Variants in FBXO41 observed in about 807,000 individuals in gnomAD.
FBXO41 encodes the protein F-box only protein 41.
Under a neutral mutation model 81.6 loss-of-function variants are expected in FBXO41, and 33 were observed. The ratio of observed to expected loss-of-function variants is 0.40; its 90% CI spans 0.31 to 0.54. The LOEUF (loss-of-function observed/expected upper bound fraction) is 0.54. FBXO41 is among the 20% of genes least tolerant of loss of function. The probability of loss-of-function intolerance (pLI) is 0.39; values close to 1 mark genes in which losing one functional copy is unlikely to be tolerated. For synonymous variants in FBXO41, 576 were observed against 552.7 expected, an observed-to-expected ratio of 1.04 and a Z score of -0.59; for missense variants, 1,107 against 1,236.0, an observed-to-expected ratio of 0.90 and a Z score of 1.56.
At position 73,269,507 on chromosome 2, in the gene FBXO41, A is replaced by G; in HGVS notation, c.124T>C (p.Ser42Pro). The G allele has an allele frequency of 7.4e-7, 1 of 1,343,916 alleles. No homozygotes were observed. 83.2% of individuals were successfully genotyped at this position (1,343,916 alleles called of 1,614,324 possible). A position where few individuals can be genotyped will look rare whatever the true frequency, so the allele number is the denominator to read the frequency against. ...SHTYETLYIL[S>P]KTNSICDGAA... ...CCGTCGCAGATGCTGTTGGTCTTGG[A>G]GAGGATGTAGAGCGTCTCGTAGGTG... Residue 42 changes from serine (S) to proline (P), a missense_variant, in exon 2 of 13, where the codon TCC (serine) becomes CCC (proline). Ser to Pro is a moderately conservative substitution (Grantham distance 74). Transcript: ENST00000520530. The surrounding 1 kb of genome is among the most constrained non-coding windows in gnomAD (Gnocchi z 7.0).
At chr2:73,275,121 C>T (rs1048779592) in intron 1 of FBXO41, among the ~76,000 whole-genome samples, 2 of 150,958 alleles carry the variant, frequency 1.3e-5, no homozygotes, top group African/African-American at 4.9e-5. Context: ...GATCTCCTGA[C>T]CTCGTGATCT....
In FBXO41 at chr2:73,264,284, G is replaced by A. The variant is rs981069653; in HGVS notation, c.1800C>T (p.Cys600=). 12 of 1,613,276 alleles carry A rather than the reference G, an allele frequency of 7.4e-6. No individual in the cohort carries two copies. The highest frequency in any genetic ancestry group is 9.3e-6 in the Non-Finnish European group (11 of 1,179,868). The part of the protein sequence containing the change: ...TRVLLENARV[C]SKFLAMLAQW... ...GGCAGGCAGGGGCAGGTACCTTGGA[G>A]CAGACACGGGCATTCTCAAGCAGCA... Residue 600 remains cysteine (C), a synonymous_variant, in exon 6 of 13, where the codon TGC becomes TGT. Transcript: ENST00000520530.
chr2:73,274,416 C>T lies in FBXO41; in HGVS notation c.-138-4648G>A, dbSNP rs561708419. Among the ~76,000 whole-genome samples, 7 of 152,142 alleles carry T rather than the reference C, an allele frequency of 4.6e-5. No individual in the cohort carries two copies. The East Asian group carries it at 1.3e-3, about 29-fold the overall frequency. ...TATTGATCCTGTGTCATTTATATACCTCAAATATTTTTCTCAAGTGTGTTG... is the reference window on the plus strand; with the variant it reads ...TATTGATCCTGTGTCATTTATATACTTCAAATATTTTTCTCAAGTGTGTTG... On this transcript the variant is annotated intron_variant, in intron 1 of 12. Coordinates refer to ENST00000520530, the MANE Select transcript of FBXO41 (RefSeq NM_001371389.2).
rs1386599818 is a variant in FBXO41 at position 73,266,971 on chromosome 2, A to G, written c.906-289T>C. On this transcript the variant is annotated intron_variant, in intron 2 of 12. Coordinates refer to ENST00000520530, the MANE Select transcript of FBXO41 (RefSeq NM_001371389.2). The surrounding 1 kb of genome is among the most constrained non-coding windows in gnomAD (Gnocchi z 5.3). The stretch of plus-strand genomic sequence containing the variant: ...CTGCTCTCCACAGAAATAATCAGGC[A>G]TACTCAGTCCCACACAACCCCAGGC... 6.6e-6 allele frequency among the ~76,000 whole-genome samples: 1 copy of G among 152,152 alleles called. No homozygotes were observed. Among genetic ancestry groups the G allele is most frequent in the Admixed American group, 6.5e-5 (1 of 15,280 alleles).
intron 1 of FBXO41, among the ~76,000 whole-genome samples, chr2:73,273,738 C>T (rs149214460): frequency 6.6e-6 from 1 of 152,310 alleles, no homozygotes; most frequent in African/African-American, 2.4e-5. Context: ...GAAGCTCTAA[C>T]CCAGGACTTG....
intron 5 of FBXO41, 48 bp from the exon 6 acceptor site, chr2:73,264,567 G>T: frequency 1.2e-6 from 2 of 1,604,724 alleles, no homozygotes; most frequent in East Asian, 4.5e-5. Flanking sequence ...GTCAAGGCTG[G>T]TGTGGGGATG....
rs1207789662 is a variant in FBXO41 at position 73,268,877 on chromosome 2, G to A, written c.754C>T (p.Arg252Trp). 1.3e-6 allele frequency: 2 copies of A among 1,561,052 alleles called. No homozygotes were observed. The highest frequency in any genetic ancestry group is 1.2e-5 in the South Asian group (1 of 84,756). The change falls in exon 2 of 13, where the codon CGG (arginine) becomes TGG (tryptophan). Residue 252 changes from arginine to tryptophan, a missense_variant. Coordinates refer to ENST00000520530, the MANE Select transcript of FBXO41 (RefSeq NM_001371389.2). The part of the protein sequence containing the change: ...ERKAAELETA[R>W]QESARLGREK... ...CGCCCGAGCCTCGCACTCTCCTGCC[G>A]CGCAGTCTCCAGTTCGGCCGCCTTG...
intron 1 of FBXO41, among the ~76,000 whole-genome samples, chr2:73,279,032 A>C (rs1184547858): frequency 2.6e-5 from 4 of 152,214 alleles, no homozygotes; most frequent in African/African-American, 9.7e-5. Flanking sequence ...GGTCAGGAAG[A>C]AGGTTGTTGG....
intron 1 of FBXO41, among the ~76,000 whole-genome samples, chr2:73,283,046 A>G (rs1208804734): frequency 1.3e-5 from 2 of 152,190 alleles, no homozygotes; most frequent in Non-Finnish European, 2.9e-5. Flanking sequence ...TTGGATGTTA[A>G]CAGATGGATT....
At chr2:73,263,085 T>C in intron 9 of FBXO41, 128 bp downstream of exon 9, 1 of 714,584 alleles carries the variant, frequency 1.4e-6, no homozygotes, top group Non-Finnish European at 2.2e-6. Context: ...AATGCCTCAA[T>C]GGACAGATTA....
rs367854019 is a variant in FBXO41, at chr2:73,259,326, G to A, written c.2450-30C>T. The A allele has an allele frequency of 6.3e-7, 1 of 1,587,184 alleles. No individual in the cohort carries two copies. Among genetic ancestry groups the A allele is most frequent in the Admixed American group, 1.7e-5 (1 of 59,972 alleles). Reference sequence around the variant, plus strand: ...GAAAAGGTGAGCAAAGTAGGGGCGTGTTTGGCCTGGGCTGTGGAGCTGCCT... The same window carrying A: ...GAAAAGGTGAGCAAAGTAGGGGCGTATTTGGCCTGGGCTGTGGAGCTGCCT... On this transcript the variant is annotated intron_variant, in intron 11 of 12. Coordinates refer to ENST00000520530, the MANE Select transcript of FBXO41 (RefSeq NM_001371389.2). This position sits in a 1 kb window ranked among gnomAD's most constrained non-coding sequence, Gnocchi z 4.2.
chr2:73,269,396 C>G lies in FBXO41; in HGVS notation c.235G>C (p.Ala79Pro), dbSNP rs754684303. 95 of 1,465,976 alleles carry G rather than the reference C, an allele frequency of 6.5e-5. No homozygotes were observed. In the South Asian group the frequency reaches 1.1e-3, roughly 17 times the overall value. The allele number at this position is 1,465,976 out of a possible 1,614,324, so 90.8% of individuals were successfully genotyped here. The change falls in exon 2 of 13, where the codon GCC becomes CCC. Residue 79 changes from alanine to proline, a missense_variant. By Grantham distance (27) the Ala-to-Pro change is conservative. This residue lies in a region of FBXO41 where 771 missense variants were observed against 789.2 expected (regional missense o/e 0.98). Coordinates refer to ENST00000520530, the MANE Select transcript of FBXO41 (RefSeq NM_001371389.2). The surrounding 1 kb of genome is among the most constrained non-coding windows in gnomAD (Gnocchi z 7.0). ...GTGCTCTCGAAGACCTCTCGCCGGGCGCCGGGCACGGCCAGCAGGGCGGCG... is the reference window on the plus strand; with the variant it reads ...GTGCTCTCGAAGACCTCTCGCCGGGGGCCGGGCACGGCCAGCAGGGCGGCG... ...EPAALLAVPGARREVFESTSF... is the reference protein window; with the variant it reads ...EPAALLAVPGPRREVFESTSF...
Position 73,266,805 on chromosome 2 carries a change from A to G in FBXO41, c.906-123T>C. The stretch of plus-strand genomic sequence containing the variant: ...CTGCCTGCGGTGTCTGCTTATGGTC[A>G]CATGGGTTCCTGCAGAACAGGCCTA... On this transcript the variant is annotated intron_variant, in intron 2 of 12. Coordinates refer to ENST00000520530, the MANE Select transcript of FBXO41 (RefSeq NM_001371389.2). This position sits in a 1 kb window ranked among gnomAD's most constrained non-coding sequence, Gnocchi z 5.3. 1.4e-6 allele frequency: 2 copies of G among 1,390,252 alleles called. No homozygotes were observed. Among genetic ancestry groups the G allele is most frequent in the Non-Finnish European group, 9.3e-7 (1 of 1,074,912 alleles). The allele number at this position is 1,390,252 out of a possible 1,614,324, so 86.1% of individuals were successfully genotyped here. A position where few individuals can be genotyped will look rare whatever the true frequency, so the allele number is the denominator to read the frequency against.
chr2:73,263,447 C>T (rs988138755), intron 8 of FBXO41, 139 bp from the exon 9 acceptor site: 13 of 750,634 alleles, frequency 1.7e-5, no homozygotes, highest in East Asian at 1.4e-4. Flanking sequence ...GGCGAGACCC[C>T]GTCTCCATTT....
At chr2:73,263,515 C>A (rs1688097920) in intron 8 of FBXO41, among the ~76,000 whole-genome samples, 163 bp downstream of exon 8, 1 of 152,084 alleles carries the variant, frequency 6.6e-6, no homozygotes, top group Admixed American at 6.5e-5. Flanking sequence ...TGGAGTCGCC[C>A]ACAGTGGTGG....
At chr2:73,276,742 A>G (rs975587687) in intron 1 of FBXO41, among the ~76,000 whole-genome samples, 1 of 152,058 alleles carries the variant, frequency 6.6e-6, no homozygotes, top group Non-Finnish European at 1.5e-5. Context: ...AAATCTGGGT[A>G]AACTGAATGC....
chr2:73,263,321 A>T lies in FBXO41; in HGVS notation c.2076-13T>A. Reference sequence around the variant, plus strand: ...GTCTGTGGCACTCCTGTGAAAAGACAAAGCTGCTAGTCAGGCAGCAGGGTG... The same window carrying T: ...GTCTGTGGCACTCCTGTGAAAAGACTAAGCTGCTAGTCAGGCAGCAGGGTG... On this transcript the variant is annotated splice_polypyrimidine_tract_variant and intron_variant, in intron 8 of 12. Coordinates refer to ENST00000520530, the MANE Select transcript of FBXO41 (RefSeq NM_001371389.2). The T allele has an allele frequency of 6.7e-7, 1 of 1,503,228 alleles. No homozygotes were observed. Among genetic ancestry groups the T allele is most frequent in the Non-Finnish European group, 8.9e-7 (1 of 1,124,032 alleles). The allele number at this position is 1,503,228 out of a possible 1,614,324, so 93.1% of individuals were successfully genotyped here.
chr2:73,269,715 G>C lies in FBXO41; in HGVS notation c.-85C>G. ...CGCGCTCATGGGGGACCGCGGGCGA[G>C]GCCCCCTGCGGGGTCAGGAAGGCTC... On this transcript the variant is annotated 5_prime_UTR_variant, in exon 2 of 13. Coordinates refer to ENST00000520530, the MANE Select transcript of FBXO41 (RefSeq NM_001371389.2). The surrounding 1 kb of genome is among the most constrained non-coding windows in gnomAD (Gnocchi z 7.0). The C allele has an allele frequency of 3.0e-6, 3 of 1,004,706 alleles. No homozygotes were observed. Among genetic ancestry groups the C allele is most frequent in the Non-Finnish European group, 3.7e-6 (3 of 818,702 alleles). 62.2% of individuals were successfully genotyped at this position (1,004,706 alleles called of 1,614,324 possible).
In FBXO41 at chr2:73,265,485, G is replaced by C; in HGVS notation, c.1361C>G (p.Ser454Cys). 6.2e-7 allele frequency: 1 copy of C among 1,600,744 alleles called. No homozygotes were observed. The highest frequency in any genetic ancestry group is 8.5e-7 in the Non-Finnish European group (1 of 1,176,944). Residue 454 changes from serine to cysteine, a missense_variant, in exon 5 of 13, where the codon TCC becomes TGC. Around this residue, in one of 2 missense-constraint regions of FBXO41, gnomAD observed 771 missense variants for 789.2 expected, o/e 0.98. Coordinates refer to ENST00000520530, the MANE Select transcript of FBXO41 (RefSeq NM_001371389.2). ...CAGGCCTGAGCTGCGAGGGGGCTGGGACCGCTCTGAGCCCCCGTTGGCAGC... is the reference window on the plus strand; with the variant it reads ...CAGGCCTGAGCTGCGAGGGGGCTGGCACCGCTCTGAGCCCCCGTTGGCAGC... ...AQAANGGSER[S>C]QPPRSSGLRR...
Sources: gnomAD v4.1 joint callset for allele counts (sites outside exome capture counted in the v4.1 genomes callset) on GRCh38, gnomAD v4.1.1 for gene constraint, gnomAD v4.1.1 regional missense constraint, Gnocchi (gnomAD v3.1) non-coding constraint, MANE v1.5 for transcripts, NCBI Gene and HGNC (gene_info 2026-07-23, HGNC 2026-07-21) for gene names.